Variants in EIF4G3 observed in about 807,000 individuals in gnomAD.
EIF4G3 encodes eIF-4-gamma 3.
Under a neutral mutation model 186.4 loss-of-function variants are expected in EIF4G3, and 34 were observed. That is an observed-to-expected ratio of 0.18 (90% confidence interval 0.14 to 0.24). The LOEUF (loss-of-function observed/expected upper bound fraction) is 0.24. EIF4G3 is among the 10% of genes least tolerant of loss of function. The pLI is 1.00. For synonymous variants in EIF4G3, 673 were observed against 679.5 expected, an observed-to-expected ratio of 0.99 and a Z score of 0.15; for missense variants, 1,536 against 1,948.5, an observed-to-expected ratio of 0.79 and a Z score of 3.99.
chr1:20,999,759 T>G, intron 6 of EIF4G3: 1 of 453,250 alleles, frequency 2.2e-6, no homozygotes, highest in South Asian at 1.6e-5. Context: ...GACAATAGTC[T>G]TAATCCTATG....
At chr1:21,166,347 T>C (rs1254104056) in intron 2 of EIF4G3, among the ~76,000 whole-genome samples, 2 of 151,976 alleles carry the variant, frequency 1.3e-5, no homozygotes, top group East Asian at 1.9e-4. Flanking sequence ...GGAGGACTGC[T>C]TGAGCCCAGC....
intron 11 of EIF4G3, among the ~76,000 whole-genome samples, chr1:20,972,394 G>A (rs1408693456): frequency 1.3e-5 from 2 of 152,060 alleles, no homozygotes; most frequent in African/African-American, 2.4e-5. Flanking sequence ...AGCACTTTGG[G>A]AGGCCAAGGT....
At chr1:21,079,553 G>GT (rs1244071620) in intron 3 of EIF4G3, among the ~76,000 whole-genome samples, 1 of 149,162 alleles carries the variant, frequency 6.7e-6, no homozygotes, top group Non-Finnish European at 1.5e-5. Context: ...GAGTCATGAT[G>GT]TACATCTGTA....
chr1:20,827,710 A>G lies in EIF4G3; in HGVS notation c.4188-12T>C. 1 of 1,571,570 alleles carries G rather than the reference A, an allele frequency of 6.4e-7. No individual in the cohort carries two copies. Among genetic ancestry groups the G allele is most frequent in the Non-Finnish European group, 8.8e-7 (1 of 1,142,382 alleles). On this transcript the variant is annotated splice_polypyrimidine_tract_variant and intron_variant, in intron 31 of 36. Coordinates refer to ENST00000602326, the MANE Select transcript of EIF4G3 (RefSeq NM_001391906.1). Reference sequence around the variant, plus strand: ...GTTTGCTAAATTCTCTGTAAAAGATAGGAGCAGTGATTAAGTATCTCTAAA... The same window carrying G: ...GTTTGCTAAATTCTCTGTAAAAGATGGGAGCAGTGATTAAGTATCTCTAAA...
intron 14 of EIF4G3, among the ~76,000 whole-genome samples, chr1:20,915,531 T>G (rs1023476593): frequency 1.3e-5 from 2 of 151,686 alleles, no homozygotes; most frequent in South Asian, 4.1e-4. Context: ...AAAAAAAATG[T>G]GATGGCCAAG....
At position 20,941,876 on chromosome 1, in the gene EIF4G3, C is replaced by T; in HGVS notation, c.1278G>A (p.Glu426=). ...CCTGTTTTACTATTTCCACAATGCT[C>T]TCCGTGGCTGATAATTTTTCGCTAA... is the stretch of plus-strand genomic sequence containing the variant. ...NGVSEKLSAT[E]SIVEIVKQEV... The change falls in exon 14 of 37, where the codon GAG becomes GAA. Residue 426 remains glutamate, a synonymous_variant. Coordinates refer to ENST00000602326, the MANE Select transcript of EIF4G3 (RefSeq NM_001391906.1). The T allele has an allele frequency of 1.6e-5, 26 of 1,614,168 alleles. No homozygotes were observed. Among genetic ancestry groups the T allele is most frequent in the Non-Finnish European group, 2.0e-5 (24 of 1,180,028 alleles).
At chr1:20,947,743 A>G (rs1371616336) in intron 13 of EIF4G3, among the ~76,000 whole-genome samples, 1 of 152,198 alleles carries the variant, frequency 6.6e-6, no homozygotes, top group Non-Finnish European at 1.5e-5. Flanking sequence ...TTAAAATACT[A>G]CAAGTTTTTC....
intron 2 of EIF4G3, among the ~76,000 whole-genome samples, chr1:21,132,914 C>CT (rs2097179378): frequency 6.6e-6 from 1 of 152,036 alleles, no homozygotes; most frequent in Non-Finnish European, 1.5e-5. Flanking sequence ...TCCCGAGTAT[C>CT]TAAAATTACA....
At chr1:21,106,635 T>C (rs541295176) in intron 2 of EIF4G3, among the ~76,000 whole-genome samples, 8 of 152,016 alleles carry the variant, frequency 5.3e-5, no homozygotes, top group African/African-American at 1.9e-4. Flanking sequence ...ATACACAAAG[T>C]GAATATATGA....
At chr1:21,006,496 G>A (rs1341026488) in intron 4 of EIF4G3, among the ~76,000 whole-genome samples, 1 of 152,184 alleles carries the variant, frequency 6.6e-6, no homozygotes, top group African/African-American at 2.4e-5. Flanking sequence ...AAGTTGATGA[G>A]TTACAGACAT....
intron 7 of EIF4G3, among the ~76,000 whole-genome samples, chr1:20,983,060 T>C (rs2078650695): frequency 6.6e-6 from 1 of 152,152 alleles, no homozygotes; most frequent in South Asian, 2.1e-4. Context: ...CACTCTGGTC[T>C]TATTTTGTCC....
chr1:20,980,799 C>A (rs1219670490), intron 9 of EIF4G3, among the ~76,000 whole-genome samples: 1 of 151,930 alleles, frequency 6.6e-6, no homozygotes, highest in Non-Finnish European at 1.5e-5. Context: ...TTGGTTGTGG[C>A]AAAGGGATGG....
intron 4 of EIF4G3, among the ~76,000 whole-genome samples, chr1:21,049,451 A>G (rs2094090924): frequency 6.6e-6 from 1 of 152,220 alleles, no homozygotes; most frequent in Non-Finnish European, 1.5e-5. Context: ...AACCCAACAC[A>G]GGAACCTCAT....
intron 2 of EIF4G3, among the ~76,000 whole-genome samples, chr1:21,108,089 A>G (rs1557997826): frequency 1.3e-5 from 2 of 152,186 alleles, no homozygotes; most frequent in Non-Finnish European, 2.9e-5. Context: ...CAGAGGATGC[A>G]GTGTTGAGAT....
At chr1:20,894,477 TATAA>T (rs1251896807) in intron 17 of EIF4G3, among the ~76,000 whole-genome samples, 3 of 152,194 alleles carry the variant, frequency 2.0e-5, no homozygotes, top group African/African-American at 7.2e-5. Flanking sequence ...AGTAAAATAG[TATAA>T]ATGAGTTCTG....
rs2320818 is a variant in EIF4G3, at chr1:20,989,797, T to C, written c.178-7389A>G. ...GATAAAGCAGCAGCAGAGTTTGAGA[T>C]TGACTCCAATGATAAAAGAAAGTTC... On this transcript the variant is annotated intron_variant, in intron 7 of 36. Coordinates refer to ENST00000602326, the MANE Select transcript of EIF4G3 (RefSeq NM_001391906.1). Among the ~76,000 whole-genome samples, 1,083 of 152,302 alleles carry C rather than the reference T, an allele frequency of 7.1e-3. 9 individuals carry two copies. The highest frequency in any genetic ancestry group is 0.01 in the Non-Finnish European group (683 of 68,022).
At chr1:21,048,127 T>G (rs949930447) in intron 4 of EIF4G3, among the ~76,000 whole-genome samples, 2 of 152,180 alleles carry the variant, frequency 1.3e-5, no homozygotes, top group African/African-American at 4.8e-5. Context: ...ACTTGAGGAT[T>G]TAACAAGTGA....
rs1047633163 is a variant in EIF4G3 at position 20,892,672 on chromosome 1, T to G, written c.2253+845A>C. 3.3e-6 allele frequency: 5 copies of G among 1,535,928 alleles called. No individual in the cohort carries two copies. The Admixed American group carries it at 5.9e-5, about 18-fold the overall frequency. On this transcript the variant is annotated intron_variant, in intron 18 of 36. Transcript: ENST00000602326. ...TGTGACATCACCAGTGGAGGGCAAG[T>G]TGGGGCTTTGCTCTGTTCCAGAATT...
chr1:21,012,002 C>T (rs1186586859), intron 4 of EIF4G3, among the ~76,000 whole-genome samples: 2 of 152,104 alleles, frequency 1.3e-5, no homozygotes, highest in Non-Finnish European at 2.9e-5. Flanking sequence ...ATACAATGCA[C>T]ATAGGATTGA....
Sources: gnomAD v4.1 joint callset for allele counts (sites outside exome capture counted in the v4.1 genomes callset) on GRCh38, gnomAD v4.1.1 for gene constraint, MANE v1.5 for transcripts, NCBI Gene and HGNC (gene_info 2026-07-23, HGNC 2026-07-21) for gene names.